Variants in LRP1B observed in about 807,000 individuals in gnomAD.
The protein encoded by LRP1B is low-density lipoprotein receptor-related protein 1B.
LRP1B carries 217 observed loss-of-function variants against 556.6 expected under a neutral mutation model. The ratio of observed to expected loss-of-function variants is 0.39; its 90% CI spans 0.35 to 0.44. The LOEUF (loss-of-function observed/expected upper bound fraction) is 0.44, where lower values mean the gene tolerates loss of function less well. LRP1B is among the 20% of genes least tolerant of loss of function. The probability of loss-of-function intolerance (pLI) is 1.00; values close to 1 mark genes in which losing one functional copy is unlikely to be tolerated. For synonymous variants in LRP1B, 2,047 were observed against 1,865.8 expected, an observed-to-expected ratio of 1.10 and a Z score of -2.50; for missense variants, 5,053 against 5,620.8, an observed-to-expected ratio of 0.90 and a Z score of 3.23.
Position 140,512,734 on chromosome 2 carries a change from C to A in LRP1B, c.8269+1919G>T, listed in dbSNP as rs116777770. On this transcript the variant is annotated intron_variant, in intron 51 of 90. Transcript: ENST00000389484. ...TATCAATAAAGAATGTGTTTACATCCTGCATCAGAATATTTTGAATTGGAA... is the reference window on the plus strand; with the variant it reads ...TATCAATAAAGAATGTGTTTACATCATGCATCAGAATATTTTGAATTGGAA... Among the ~76,000 whole-genome samples the A allele has an allele frequency of 5.2e-3, 793 of 152,222 alleles. 6 individuals are homozygous for A. Among genetic ancestry groups the A allele is most frequent in the African/African-American group, 0.018 (765 of 41,542 alleles).
chr2:140,327,026 C>T (rs902144161), intron 79 of LRP1B, among the ~76,000 whole-genome samples: 6 of 152,058 alleles, frequency 3.9e-5, no homozygotes, highest in Admixed American at 3.9e-4. Flanking sequence ...AATACATCTT[C>T]ACTGCTGTAG....
At chr2:140,890,576 TAAAC>T (rs778868970) in intron 23 of LRP1B, among the ~76,000 whole-genome samples, 47 of 152,058 alleles carry the variant, frequency 3.1e-4, no homozygotes, top group African/African-American at 8.9e-4. Flanking sequence ...TGAAATAAAA[TAAAC>T]AAACAAAATA....
chr2:140,796,224 G>T (rs1009329603), intron 32 of LRP1B, among the ~76,000 whole-genome samples: 2 of 151,930 alleles, frequency 1.3e-5, no homozygotes, highest in African/African-American at 4.8e-5. Flanking sequence ...ACTATTTAAT[G>T]CTTTTAAGTA....
At chr2:141,047,842 C>G (rs906826736) in intron 11 of LRP1B, among the ~76,000 whole-genome samples, 1 of 152,048 alleles carries the variant, frequency 6.6e-6, no homozygotes, top group Non-Finnish European at 1.5e-5. Context: ...ATCCTCCTCT[C>G]CCTCTTTAAT....
At chr2:141,495,851 A>G (rs1384068836) in intron 2 of LRP1B, among the ~76,000 whole-genome samples, 3 of 152,096 alleles carry the variant, frequency 2.0e-5, no homozygotes, top group African/African-American at 7.2e-5. Flanking sequence ...CTTCTCTGCA[A>G]CATTTTTCTT....
chr2:141,464,608 T>TA (rs1244707646), intron 3 of LRP1B, among the ~76,000 whole-genome samples: 9 of 48,372 alleles, frequency 1.9e-4, no homozygotes, highest in Non-Finnish European at 3.7e-4. Context: ...ATATATATAT[T>TA]TTTTTAGTAG....
chr2:141,313,511 T>C (rs1043061993), intron 3 of LRP1B, among the ~76,000 whole-genome samples: 1 of 152,200 alleles, frequency 6.6e-6, no homozygotes, highest in African/African-American at 2.4e-5. Flanking sequence ...AGGCAGTGCT[T>C]ACTTGTCTGA....
chr2:140,399,176 C>CACACACACACA (rs1553459870), intron 66 of LRP1B, among the ~76,000 whole-genome samples: 2 of 151,716 alleles, frequency 1.3e-5, no homozygotes, highest in Non-Finnish European at 2.9e-5. Flanking sequence ...CACACACACA[C>CACACACACACA]ACACACACAC....
At chr2:141,424,183 G>T (rs1680263766) in intron 3 of LRP1B, among the ~76,000 whole-genome samples, 1 of 142,246 alleles carries the variant, frequency 7.0e-6, no homozygotes. Flanking sequence ...GCGCAATCTT[G>T]GCTCACCTCA....
intron 1 of LRP1B, among the ~76,000 whole-genome samples, chr2:142,086,328 G>A (rs1574668867): frequency 6.6e-6 from 1 of 152,070 alleles, no homozygotes; most frequent in East Asian, 1.9e-4. Context: ...CTAGCAGTTA[G>A]TCTCTTAAAA....
At chr2:140,371,048 C>T (rs1404232772) in intron 70 of LRP1B, 131 bp downstream of exon 70, 3 of 778,390 alleles carry the variant, frequency 3.9e-6, no homozygotes, top group Non-Finnish European at 6.1e-6. Flanking sequence ...GAAATGATTG[C>T]ATTCAATGTA....
chr2:141,810,668 G>A (rs916132270), intron 1 of LRP1B, among the ~76,000 whole-genome samples: 1 of 152,018 alleles, frequency 6.6e-6, no homozygotes, highest in South Asian at 2.1e-4. Flanking sequence ...TTCATGACTA[G>A]GGGCTTTATC....
intron 2 of LRP1B, among the ~76,000 whole-genome samples, chr2:141,565,367 C>A (rs1686294685): frequency 6.6e-6 from 1 of 152,074 alleles, no homozygotes; most frequent in African/African-American, 2.4e-5. Context: ...TTTTTATTTT[C>A]TGTCCTTTCA....
At chr2:140,748,365 T>A (rs12465680) in intron 35 of LRP1B, among the ~76,000 whole-genome samples, 1 of 104,636 alleles carries the variant, frequency 9.6e-6, no homozygotes, top group Non-Finnish European at 1.8e-5. Flanking sequence ...TAATATATAT[T>A]TATATATGTA....
intron 31 of LRP1B, among the ~76,000 whole-genome samples, chr2:140,834,777 C>A (rs774887767): frequency 4.6e-5 from 7 of 152,022 alleles, no homozygotes; most frequent in Non-Finnish European, 8.8e-5. Flanking sequence ...AATTTGAATA[C>A]TTTTATTAAA....
At chr2:140,525,180 A>C (rs149520125) in intron 49 of LRP1B, among the ~76,000 whole-genome samples, 1 of 151,956 alleles carries the variant, frequency 6.6e-6, no homozygotes, top group African/African-American at 2.4e-5. Flanking sequence ...TATGAGACAA[A>C]ATTTAATAGT....
chr2:141,472,677 C>G (rs1365809145), intron 3 of LRP1B, among the ~76,000 whole-genome samples: 1 of 152,152 alleles, frequency 6.6e-6, no homozygotes, highest in African/African-American at 2.4e-5. Context: ...AATGTAACTT[C>G]ATTTGAAACC....
chr2:140,406,434 C>T (rs185063909), intron 66 of LRP1B, among the ~76,000 whole-genome samples: 1 of 152,110 alleles, frequency 6.6e-6, no homozygotes, highest in Non-Finnish European at 1.5e-5. Context: ...TGATCAAATA[C>T]CTAGAAAACC....
intron 2 of LRP1B, among the ~76,000 whole-genome samples, chr2:141,701,986 G>A (rs1691954820): frequency 6.6e-6 from 1 of 151,866 alleles, no homozygotes; most frequent in Non-Finnish European, 1.5e-5. Flanking sequence ...AAGAAATTAT[G>A]CTATTTATTT....
Sources: allele counts gnomAD v4.1 joint callset (sites outside exome capture counted in the v4.1 genomes callset), GRCh38; gene constraint gnomAD v4.1.1; transcripts MANE v1.5; gene names NCBI Gene and HGNC (gene_info 2026-07-23, HGNC 2026-07-21).